The following MSANTD2 variants were observed in gnomAD, a reference collection of about 807,000 sequenced individuals.
MSANTD2 encodes myb/SANT-like DNA-binding domain-containing protein 2.
MSANTD2 carries 19 observed loss-of-function variants against 52.6 expected under a neutral mutation model. The ratio of observed to expected loss-of-function variants is 0.36; its 90% CI spans 0.25 to 0.53. MSANTD2 has a LOEUF of 0.53. Among genes scored for constraint, MSANTD2 ranks in the 20% least tolerant of loss-of-function variants. The pLI, the probability that MSANTD2 is intolerant of heterozygous loss-of-function variation, is 0.91. For synonymous variants in MSANTD2, 291 were observed against 289.7 expected, an observed-to-expected ratio of 1.00 and a Z score of -0.04; for missense variants, 558 against 716.3, an observed-to-expected ratio of 0.78 and a Z score of 2.52.
At chr11:124,796,706 T>C (rs2135275610) in intron 1 of MSANTD2, among the ~76,000 whole-genome samples, 1 of 152,368 alleles carries the variant, frequency 6.6e-6, no homozygotes, top group Middle Eastern at 3.4e-3. Context: ...TGACATTGAG[T>C]TCACATGTAC....
chr11:124,775,058 C>A, intron 1 of MSANTD2, 84 bp from the exon 2 acceptor site: 1 of 1,179,652 alleles, frequency 8.5e-7, no homozygotes, highest in Non-Finnish European at 1.2e-6. Context: ...TACTATTAGA[C>A]AGACACAGAC....
chr11:124,786,916 T>C (rs1229687376), intron 1 of MSANTD2, among the ~76,000 whole-genome samples: 1 of 152,128 alleles, frequency 6.6e-6, no homozygotes, highest in African/African-American at 2.4e-5. Flanking sequence ...TATAAGCAAG[T>C]GGTTAAGAAG....
Position 124,799,891 on chromosome 11 carries a change from G to A in MSANTD2, c.490C>T (p.Gln164Ter). The A allele has an allele frequency of 6.3e-7, 1 of 1,582,590 alleles. No homozygotes were observed. Among genetic ancestry groups the A allele is most frequent in the Non-Finnish European group, 8.5e-7 (1 of 1,172,752 alleles). The change falls in exon 1 of 4, where the codon CAG becomes TAG. Residue 164 changes from glutamine (Q) to a stop codon, truncating the protein, a stop_gained. Transcript: ENST00000374979. LOFTEE classifies it high-confidence loss of function. ...AELGYERTPS[Q>*]CRERIKTLRR... ...GTTACCTTGATGCGCTCCCGGCACTGGGACGGGGTCCGCTCGTAGCCCAGC... is the reference window on the plus strand; with the variant it reads ...GTTACCTTGATGCGCTCCCGGCACTAGGACGGGGTCCGCTCGTAGCCCAGC...
chr11:124,766,620 A>C lies in MSANTD2; in HGVS notation c.*556T>G, dbSNP rs922900341. 6.6e-6 allele frequency: 1 copy of C among 152,620 alleles called. No homozygotes were observed. Among genetic ancestry groups the C allele is most frequent in the African/African-American group, 2.4e-5 (1 of 41,396 alleles). The allele number at this position is 152,620 out of a possible 1,614,324, so 9.5% of individuals were successfully genotyped here. A position where few individuals can be genotyped will look rare whatever the true frequency, so the allele number is the denominator to read the frequency against. ...CAATACTGATTGGAAATAGCAAAAC[A>C]CTTGGCTGGTGAAAAAAATGAAAAT... On this transcript the variant is annotated 3_prime_UTR_variant, in exon 4 of 4. Coordinates refer to ENST00000374979, the MANE Select transcript of MSANTD2 (RefSeq NM_001308027.2).
chr11:124,789,284 T>G (rs1945259098), intron 1 of MSANTD2: 1 of 152,180 alleles, frequency 6.6e-6, no homozygotes, highest in Non-Finnish European at 1.5e-5. Flanking sequence ...TTAATATCAA[T>G]TACAAACATA....
At chr11:124,773,424 A>C (rs1373121975) in intron 2 of MSANTD2, 2 of 179,552 alleles carry the variant, frequency 1.1e-5, no homozygotes, top group Non-Finnish European at 2.3e-5. Flanking sequence ...CCCCAATGTC[A>C]GGATCAACAT....
chr11:124,781,858 G>A (rs562986452), intron 1 of MSANTD2, among the ~76,000 whole-genome samples: 1 of 152,136 alleles, frequency 6.6e-6, no homozygotes, highest in South Asian at 2.1e-4. Context: ...TCACTATGTT[G>A]GCCAGGCTGG....
At chr11:124,770,101 C>T (rs1944447765) in intron 3 of MSANTD2, among the ~76,000 whole-genome samples, 1 of 152,120 alleles carries the variant, frequency 6.6e-6, no homozygotes, top group African/African-American at 2.4e-5. Flanking sequence ...TTTGAAGTTC[C>T]AATCACCAGA....
intron 1 of MSANTD2, among the ~76,000 whole-genome samples, chr11:124,788,119 A>G (rs913957974): frequency 6.6e-6 from 1 of 151,426 alleles, no homozygotes; most frequent in Non-Finnish European, 1.5e-5. Context: ...AATCATTTTG[A>G]AAGATTTATA....
At chr11:124,778,322 C>G (rs1272748062) in intron 1 of MSANTD2, among the ~76,000 whole-genome samples, 1 of 152,170 alleles carries the variant, frequency 6.6e-6, no homozygotes, top group Non-Finnish European at 1.5e-5. Flanking sequence ...GTAACTTAAG[C>G]TTAATAGTTT....
At chr11:124,778,218 C>A (rs189950203) in intron 1 of MSANTD2, among the ~76,000 whole-genome samples, 36 of 152,298 alleles carry the variant, frequency 2.4e-4, no homozygotes, top group Admixed American at 6.5e-4. Context: ...ACAAGAACCT[C>A]AATTTGGCTT....
intron 1 of MSANTD2, among the ~76,000 whole-genome samples, chr11:124,788,942 A>G (rs1945250781): frequency 6.6e-6 from 1 of 152,214 alleles, no homozygotes; most frequent in South Asian, 2.1e-4. Context: ...GCTTAATTAT[A>G]TATTTTAAAT....
intron 1 of MSANTD2, among the ~76,000 whole-genome samples, chr11:124,781,974 T>G (rs938263836): frequency 1.3e-5 from 2 of 152,150 alleles, no homozygotes; most frequent in South Asian, 4.1e-4. Flanking sequence ...AATAACTGAA[T>G]GAAGCTCAAA....
chr11:124,789,469 C>A (rs913052469), intron 1 of MSANTD2: 1 of 151,952 alleles, frequency 6.6e-6, no homozygotes, highest in Non-Finnish European at 1.5e-5. Flanking sequence ...TATTTGATAG[C>A]CCAAAATATA....
At chr11:124,784,187 A>G in intron 1 of MSANTD2, 4 of 985,328 alleles carry the variant, frequency 4.1e-6, no homozygotes, top group Non-Finnish European at 4.8e-6. Flanking sequence ...TTGGCAAAGA[A>G]CTGACTGGGA....
chr11:124,783,962 A>G, intron 1 of MSANTD2: 1 of 985,428 alleles, frequency 1.0e-6, no homozygotes, highest in Non-Finnish European at 1.2e-6. Context: ...ATGTTCATGT[A>G]TAAGAGCTTC....
intron 1 of MSANTD2, among the ~76,000 whole-genome samples, chr11:124,788,435 T>G (rs1243728670): frequency 6.6e-6 from 1 of 152,232 alleles, no homozygotes; most frequent in Non-Finnish European, 1.5e-5. Flanking sequence ...AAAGGTTTCA[T>G]GAATATATGG....
At chr11:124,776,806 T>C (rs949817506) in intron 1 of MSANTD2, among the ~76,000 whole-genome samples, 2 of 152,236 alleles carry the variant, frequency 1.3e-5, no homozygotes, top group African/African-American at 4.8e-5. Flanking sequence ...TGCACAAGCA[T>C]CTGCCTCATT....
At chr11:124,798,748 G>A (rs965115338) in intron 1 of MSANTD2, among the ~76,000 whole-genome samples, 1 of 151,974 alleles carries the variant, frequency 6.6e-6, no homozygotes, top group African/African-American at 2.4e-5. Context: ...GCTCTTTAGT[G>A]TGATCATTCT....
Sources: gnomAD v4.1 joint callset for allele counts (sites outside exome capture counted in the v4.1 genomes callset) on GRCh38, gnomAD v4.1.1 for gene constraint, MANE v1.5 for transcripts, NCBI Gene and HGNC (gene_info 2026-07-23, HGNC 2026-07-21) for gene names.